TMTC1: variants seen among roughly 807,000 people sequenced by gnomAD.
TMTC1 encodes the protein transmembrane O-mannosyltransferase targeting cadherins 1.
Under a neutral mutation model 104.8 loss-of-function variants are expected in TMTC1, and 73 were observed. The ratio of observed to expected loss-of-function variants is 0.70; its 90% CI spans 0.58 to 0.85. The LOEUF (loss-of-function observed/expected upper bound fraction) is 0.85. Ranked by LOEUF, TMTC1 falls within the 40% of genes least tolerant of loss-of-function variation. The pLI, the probability that TMTC1 is intolerant of heterozygous loss-of-function variation, is 0.00. For synonymous variants in TMTC1, 434 were observed against 428.7 expected, an observed-to-expected ratio of 1.01 and a Z score of -0.15; for missense variants, 1,035 against 1,096.1, an observed-to-expected ratio of 0.94 and a Z score of 0.79.
At chr12:29,700,640 G>T (rs1941562007) in intron 5 of TMTC1, among the ~76,000 whole-genome samples, 1 of 152,042 alleles carries the variant, frequency 6.6e-6, no homozygotes, top group Admixed American at 6.6e-5. Flanking sequence ...TGATAGCATG[G>T]CTTACTAACA....
At chr12:29,514,808 C>T (rs1404376347) in intron 15 of TMTC1, among the ~76,000 whole-genome samples, 19 of 152,006 alleles carry the variant, frequency 1.2e-4, no homozygotes, top group Admixed American at 1.2e-3. Flanking sequence ...TGCCCAGTAG[C>T]TCGAGATCAG....
intron 8 of TMTC1, among the ~76,000 whole-genome samples, chr12:29,581,945 T>C (rs370505335): frequency 6.8e-4 from 104 of 152,132 alleles, no homozygotes; most frequent in African/African-American, 2.4e-3. Flanking sequence ...TAACAGAATC[T>C]AAGAGTGATT....
At chr12:29,542,900 A>G (rs1214832354) in intron 10 of TMTC1, among the ~76,000 whole-genome samples, 2 of 152,108 alleles carry the variant, frequency 1.3e-5, no homozygotes, top group African/African-American at 2.4e-5. Flanking sequence ...TAGGGGCTGT[A>G]TTGTGAATAT....
At chr12:29,542,458 C>T (rs564751696) in intron 10 of TMTC1, among the ~76,000 whole-genome samples, 7 of 152,306 alleles carry the variant, frequency 4.6e-5, no homozygotes, top group East Asian at 1.9e-4. Context: ...CACCAGCTGA[C>T]GACTGATAAT....
intron 17 of TMTC1, among the ~76,000 whole-genome samples, chr12:29,508,041 T>G (rs780169128): frequency 6.6e-6 from 1 of 152,192 alleles, no homozygotes; most frequent in Non-Finnish European, 1.5e-5. Flanking sequence ...TGTCAAAAGC[T>G]TAGACACATA....
intron 6 of TMTC1, among the ~76,000 whole-genome samples, chr12:29,623,351 A>G (rs1026429886): frequency 2.0e-5 from 3 of 152,242 alleles, no homozygotes; most frequent in African/African-American, 4.8e-5. Flanking sequence ...TAAAATGCAA[A>G]TAAGTAAAAT....
At chr12:29,675,617 CACACACACACACA>C in intron 5 of TMTC1, among the ~76,000 whole-genome samples, 1 of 82,476 alleles carries the variant, frequency 1.2e-5, no homozygotes, top group Middle Eastern at 6.8e-3. Flanking sequence ...CACACACACA[CACACACACACACA>C]CCCTCCATGA....
chr12:29,710,427 G>A (rs180973836), intron 5 of TMTC1, among the ~76,000 whole-genome samples: 16 of 151,536 alleles, frequency 1.1e-4, no homozygotes, highest in South Asian at 8.3e-4. Context: ...CAAATAAGGC[G>A]GATGCCTAGT....
chr12:29,751,841 G>A lies in TMTC1; in HGVS notation c.763C>T (p.Gln255Ter). The change falls in exon 5 of 18, where the codon CAG becomes TAG. Residue 255 changes from glutamine (Q) to a stop codon, truncating the protein, a stop_gained. Coordinates refer to ENST00000539277, the MANE Select transcript of TMTC1 (RefSeq NM_001193451.2). LOFTEE classifies it high-confidence loss of function. ...GAGGGCTGGGGGCTCCCGGGCTGCT[G>A]TGGGCTGCGTGGACAGAGGGCCCCA... ...SNGALCPRSP[Q>*]QPGSPQPSSL... The A allele has an allele frequency of 1.3e-6, 2 of 1,589,118 alleles. No homozygotes were observed. Among genetic ancestry groups the A allele is most frequent in the Non-Finnish European group, 1.7e-6 (2 of 1,167,590 alleles).
chr12:29,640,313 A>C (rs1017864054), intron 5 of TMTC1, among the ~76,000 whole-genome samples: 1 of 151,228 alleles, frequency 6.6e-6, no homozygotes, highest in Non-Finnish European at 1.5e-5. Context: ...AGGCAGGAAC[A>C]GATGCAGCTG....
At chr12:29,677,502 C>T (rs755098125) in intron 5 of TMTC1, among the ~76,000 whole-genome samples, 3 of 152,246 alleles carry the variant, frequency 2.0e-5, no homozygotes, top group Admixed American at 6.5e-5. Flanking sequence ...CAAAAGACAA[C>T]TATTCCATCG....
intron 5 of TMTC1, among the ~76,000 whole-genome samples, chr12:29,694,340 C>T (rs1287207724): frequency 6.6e-6 from 1 of 152,030 alleles, no homozygotes; most frequent in African/African-American, 2.4e-5. Context: ...CTTCCAGGAC[C>T]CCCTGGGGAT....
In TMTC1 at chr12:29,525,327, C is replaced by A. The variant is rs927366142; in HGVS notation, c.1786-4607G>T. 3.3e-5 allele frequency among the ~76,000 whole-genome samples: 5 copies of A among 151,700 alleles called. No individual in the cohort carries two copies. In the South Asian group the frequency reaches 6.3e-4, roughly 19 times the overall value. ...CCTCCCAATTAGCTGGGATTACAGG[C>A]ACCCATCACCACACCCAGTGGCTAA... On this transcript the variant is annotated intron_variant, in intron 11 of 17. Transcript: ENST00000539277.
In TMTC1 at chr12:29,644,022, TATATAA is replaced by T. The variant is rs1383078846; in HGVS notation, c.939-10692_939-10687del. On this transcript the variant is annotated intron_variant, in intron 5 of 17. Transcript: ENST00000539277. ...TATATAAATATAAATATATAATTTA[TATATAA>T]ATATAAATATATAATTTATATATAA... 3.3e-4 allele frequency among the ~76,000 whole-genome samples: 39 copies of T among 117,322 alleles called. No individual in the cohort carries two copies. The South Asian group carries it at 8.4e-3, about 25-fold the overall frequency. The allele number at this position is 117,322 out of a possible 152,430, so 77.0% of individuals were successfully genotyped here. A position where few individuals can be genotyped will look rare whatever the true frequency, so the allele number is the denominator to read the frequency against.
intron 5 of TMTC1, among the ~76,000 whole-genome samples, chr12:29,690,214 T>TAG (rs1228110549): frequency 6.6e-6 from 1 of 152,224 alleles, no homozygotes; most frequent in Non-Finnish European, 1.5e-5. Context: ...TTCAGTGAAC[T>TAG]AGAGTAACAG....
intron 6 of TMTC1, among the ~76,000 whole-genome samples, chr12:29,612,852 GA>G (rs765354825): frequency 1.3e-5 from 2 of 152,204 alleles, no homozygotes; most frequent in African/African-American, 2.4e-5. Flanking sequence ...GAGAGAGCTT[GA>G]GGGGTGGATA....
intron 5 of TMTC1, among the ~76,000 whole-genome samples, chr12:29,674,563 A>C (rs1940649144): frequency 6.6e-6 from 1 of 152,254 alleles, no homozygotes; most frequent in Admixed American, 6.5e-5. Flanking sequence ...ACAAAGCTAT[A>C]ATTCAGCATT....
At chr12:29,741,514 A>G (rs1322758579) in intron 5 of TMTC1, among the ~76,000 whole-genome samples, 2 of 152,222 alleles carry the variant, frequency 1.3e-5, no homozygotes, top group Non-Finnish European at 1.5e-5. Context: ...ACCAAGATCT[A>G]GGGAACTAAA....
chr12:29,739,280 T>C (rs1358905269), intron 5 of TMTC1, among the ~76,000 whole-genome samples: 1 of 151,904 alleles, frequency 6.6e-6, no homozygotes, highest in Non-Finnish European at 1.5e-5. Context: ...TGCTCATAGT[T>C]GCACGCATTC....
Sources: allele counts gnomAD v4.1 joint callset (sites outside exome capture counted in the v4.1 genomes callset), GRCh38; gene constraint gnomAD v4.1.1; transcripts MANE v1.5; gene names NCBI Gene and HGNC (gene_info 2026-07-23, HGNC 2026-07-21).